The following RORA variants were observed in gnomAD, a reference collection of about 807,000 sequenced individuals.
RORA encodes nuclear receptor ROR-alpha.
RORA carries 7 observed loss-of-function variants against 69.5 expected under a neutral mutation model. That is an observed-to-expected ratio of 0.10 (90% CI 0.06 to 0.19). RORA has a LOEUF of 0.19. Ranked by LOEUF, RORA falls within the 10% of genes least tolerant of loss-of-function variation. The pLI, the probability that RORA is intolerant of heterozygous loss-of-function variation, is 1.00. For missense variants in RORA, 457 were observed against 663.0 expected (o/e 0.69, Z 3.41); for synonymous variants, 261 against 240.8 (o/e 1.08, Z -0.78).
At chr15:60,991,037 A>G (rs967491632) in intron 1 of RORA, among the ~76,000 whole-genome samples, 2 of 152,240 alleles carry the variant, frequency 1.3e-5, no homozygotes, top group African/African-American at 2.4e-5. Flanking sequence ...AATCTCTTTC[A>G]TTTTTCATTT....
intron 1 of RORA, among the ~76,000 whole-genome samples, chr15:60,773,650 C>T (rs1025522399): frequency 6.6e-6 from 1 of 152,114 alleles, no homozygotes; most frequent in African/African-American, 2.4e-5. Context: ...AGTGATGAGA[C>T]CTAGAAAAGA....
chr15:61,009,812 A>G (rs1418833142), intron 1 of RORA, among the ~76,000 whole-genome samples: 1 of 152,186 alleles, frequency 6.6e-6, no homozygotes, highest in Non-Finnish European at 1.5e-5. Context: ...TAATTTGCTA[A>G]TTGGTGTTCA....
At chr15:60,665,522 A>T (rs933496534) in intron 2 of RORA, among the ~76,000 whole-genome samples, 3 of 152,210 alleles carry the variant, frequency 2.0e-5, no homozygotes, top group Non-Finnish European at 4.4e-5. Context: ...CAAACTGCAG[A>T]AAGAAACTTT....
At position 60,791,867 on chromosome 15, in the gene RORA, A is replaced by G. The variant is rs1310393828; in HGVS notation, c.167-113181T>C. ...ACAAACAGAATCTAGGGTCTCTGCAACAATCATTTGTTTTGTCTATTACCC... is the reference window on the plus strand; with the variant it reads ...ACAAACAGAATCTAGGGTCTCTGCAGCAATCATTTGTTTTGTCTATTACCC... On this transcript the variant is annotated intron_variant, in intron 1 of 10. Transcript: ENST00000335670. 2.0e-5 allele frequency among the ~76,000 whole-genome samples: 3 copies of G among 152,204 alleles called. No homozygotes were observed. In the East Asian group the frequency reaches 5.8e-4, roughly 29 times the overall value.
At chr15:61,073,324 C>T (rs1482550857) in intron 1 of RORA, among the ~76,000 whole-genome samples, 3 of 152,166 alleles carry the variant, frequency 2.0e-5, no homozygotes, top group African/African-American at 7.2e-5. Flanking sequence ...TTTAAAACTC[C>T]GCTCCTGTTT....
At chr15:61,170,176 G>C (rs1596043449) in intron 1 of RORA, among the ~76,000 whole-genome samples, 1 of 152,174 alleles carries the variant, frequency 6.6e-6, no homozygotes, top group South Asian at 2.1e-4. Flanking sequence ...CATAAATGCA[G>C]TGGCTTAAAT....
chr15:60,859,482 T>C, intron 1 of RORA, among the ~76,000 whole-genome samples: 1 of 151,054 alleles, frequency 6.6e-6, no homozygotes, highest in East Asian at 1.9e-4. Flanking sequence ...GCCTTTTTTT[T>C]TTTTTTTTTT....
At chr15:60,714,313 C>T (rs1405953121) in intron 1 of RORA, among the ~76,000 whole-genome samples, 3 of 152,076 alleles carry the variant, frequency 2.0e-5, no homozygotes, top group African/African-American at 7.2e-5. Context: ...CTGGTCTCGG[C>T]CTCCCAAAGT....
chr15:60,988,855 T>C (rs1894287768), intron 1 of RORA, among the ~76,000 whole-genome samples: 1 of 152,156 alleles, frequency 6.6e-6, no homozygotes, highest in African/African-American at 2.4e-5. Context: ...TACTTTTCAG[T>C]TGAAACTACT....
intron 1 of RORA, among the ~76,000 whole-genome samples, chr15:60,857,440 C>T (rs970151727): frequency 2.0e-5 from 3 of 152,094 alleles, no homozygotes; most frequent in African/African-American, 7.2e-5. Flanking sequence ...CTTGAACACC[C>T]CATCCACACA....
chr15:60,629,748 T>C (rs1021764840), intron 2 of RORA, among the ~76,000 whole-genome samples: 3 of 152,198 alleles, frequency 2.0e-5, no homozygotes, highest in African/African-American at 7.2e-5. Flanking sequence ...GCTGCACAGA[T>C]GTACGGGTCA....
At chr15:60,917,472 T>C (rs1302016876) in intron 1 of RORA, among the ~76,000 whole-genome samples, 1 of 152,194 alleles carries the variant, frequency 6.6e-6, no homozygotes, top group African/African-American at 2.4e-5. Context: ...GGTCTTATTT[T>C]TGAAAGTTCT....
intron 1 of RORA, among the ~76,000 whole-genome samples, chr15:61,188,087 C>T (rs1325666269): frequency 6.6e-6 from 1 of 152,094 alleles, no homozygotes; most frequent in East Asian, 1.9e-4. Context: ...TGGCATATTC[C>T]CTGTCGTTCC....
chr15:60,627,501 G>A, intron 2 of RORA: 2 of 1,526,366 alleles, frequency 1.3e-6, no homozygotes, highest in South Asian at 2.6e-5. Flanking sequence ...GGAGGAGTAT[G>A]GGGGATAATG....
intron 1 of RORA, among the ~76,000 whole-genome samples, chr15:60,872,136 GA>G (rs5813047): frequency 0.28 from 42,077 of 151,754 alleles, 6,071 homozygotes; most frequent in South Asian, 0.33. Context: ...ACTAGTCTAA[GA>G]GGTAGGAGCT....
intron 1 of RORA, among the ~76,000 whole-genome samples, chr15:60,817,313 T>A (rs536557016): frequency 3.9e-5 from 6 of 152,296 alleles, no homozygotes; most frequent in African/African-American, 1.4e-4. Flanking sequence ...AAGTGTGCAA[T>A]AGCATTATGT....
At chr15:60,667,732 A>G (rs530234436) in intron 2 of RORA, among the ~76,000 whole-genome samples, 1 of 151,896 alleles carries the variant, frequency 6.6e-6, no homozygotes, top group Non-Finnish European at 1.5e-5. Flanking sequence ...CAATCTTTCC[A>G]CCTCAGCATC....
chr15:61,067,101 C>G (rs1428139466), intron 1 of RORA, among the ~76,000 whole-genome samples: 1 of 150,664 alleles, frequency 6.6e-6, no homozygotes, highest in Non-Finnish European at 1.5e-5. Context: ...ATGCATTAGT[C>G]TAAACTTTTT....
chr15:60,748,295 C>T lies in RORA; in HGVS notation c.167-69609G>A, dbSNP rs572158111. On this transcript the variant is annotated intron_variant, in intron 1 of 10. Transcript: ENST00000335670. Reference sequence around the variant, plus strand: ...TGAAAAAAGTAGTCCTAAGCCAATACTGATATAATTAGCGAAAAAAAAAAA... The same window carrying T: ...TGAAAAAAGTAGTCCTAAGCCAATATTGATATAATTAGCGAAAAAAAAAAA... Among the ~76,000 whole-genome samples, 26 of 128,734 alleles carry T rather than the reference C, an allele frequency of 2.0e-4. 1 individual carries two copies. The Admixed American group carries it at 2.2e-3, about 11-fold the overall frequency. The allele number at this position is 128,734 out of a possible 152,430, so 84.5% of individuals were successfully genotyped here. A position where few individuals can be genotyped will look rare whatever the true frequency, so the allele number is the denominator to read the frequency against.
Sources: gnomAD v4.1 joint callset for allele counts (sites outside exome capture counted in the v4.1 genomes callset) on GRCh38, gnomAD v4.1.1 for gene constraint, MANE v1.5 for transcripts, NCBI Gene and HGNC (gene_info 2026-07-23, HGNC 2026-07-21) for gene names.